RBMS3: variants seen among roughly 807,000 people sequenced by gnomAD.
The protein encoded by RBMS3 is RNA binding motif single stranded interacting protein 3, also known as RNA-binding motif, single-stranded-interacting protein 3.
A neutral mutation model predicts 66.8 loss-of-function variants in RBMS3; 27 were observed. The ratio of observed to expected loss-of-function variants is 0.40; its 90% CI spans 0.30 to 0.56. The LOEUF is 0.56. Among genes scored for constraint, RBMS3 ranks in the 20% least tolerant of loss-of-function variants. RBMS3 has a pLI of 0.40. For missense variants in RBMS3, 513 were observed against 549.5 expected (o/e 0.93, Z 0.66); for synonymous variants, 188 against 183.0 (o/e 1.03, Z -0.22).
intron 7 of RBMS3, among the ~76,000 whole-genome samples, chr3:29,879,873 G>A (rs532782605): frequency 6.6e-6 from 1 of 152,008 alleles, no homozygotes; most frequent in Non-Finnish European, 1.5e-5. Flanking sequence ...CCTCAACTAA[G>A]ACCAAGCATT....
At position 29,281,727 on chromosome 3, in the gene RBMS3, T is replaced by TA; in HGVS notation, c.47dup (p.Tyr16Ter). 6.8e-6 allele frequency: 11 copies of TA among 1,613,526 alleles called. No homozygotes were observed. The highest frequency in any genetic ancestry group is 9.3e-6 in the Non-Finnish European group (11 of 1,179,680). Residue 16 changes from tyrosine to a stop codon, truncating the protein, a stop_gained and frameshift_variant, in exon 1 of 15, where the codon TAC (tyrosine) becomes TAAC (stop). Transcript: ENST00000383767. LOFTEE classifies it high-confidence loss of function. Reference sequence around the variant, plus strand: ...GCCACAAATGTACCCCCAGTACACTTACTACTATCCTCATTATCTCCAAAC... The same window carrying TA: ...GCCACAAATGTACCCCCAGTACACTTAACTACTATCCTCATTATCTCCAAAC... ...DQPQMYPQYTYYYPHYLQTKQ... is the reference protein window; with the variant it reads ...DQPQMYPQYT
chr3:29,814,082 G>T (rs1307055877), intron 6 of RBMS3, among the ~76,000 whole-genome samples: 3 of 151,826 alleles, frequency 2.0e-5, no homozygotes, highest in Admixed American at 6.6e-5. Context: ...AATGCTTCCA[G>T]TTTTTGTCCA....
intron 4 of RBMS3, among the ~76,000 whole-genome samples, chr3:29,602,172 AG>A: frequency 6.6e-6 from 1 of 152,154 alleles, no homozygotes; most frequent in Non-Finnish European, 1.5e-5. Flanking sequence ...GACACAAGTT[AG>A]TTTTTCTTTT....
Position 29,295,045 on chromosome 3 carries a change from G to A in RBMS3, c.75+13289G>A, listed in dbSNP as rs555025938. Among the ~76,000 whole-genome samples, 402 of 151,572 alleles carry A rather than the reference G, an allele frequency of 2.7e-3. 3 individuals are homozygous for A. Among genetic ancestry groups the A allele is most frequent in the African/African-American group, 9.0e-3 (373 of 41,432 alleles). ...GGTATAAAGACATATCTAAACTAAT[G>A]CAAGATAACGTTAGATGAAATTCTG... On this transcript the variant is annotated intron_variant, in intron 1 of 14. Coordinates refer to ENST00000383767, the MANE Select transcript of RBMS3 (RefSeq NM_001003793.3).
chr3:29,847,023 G>A (rs535932609), intron 6 of RBMS3, among the ~76,000 whole-genome samples: 2 of 152,220 alleles, frequency 1.3e-5, no homozygotes, highest in South Asian at 2.1e-4. Context: ...GATGCAAGGC[G>A]CCATATCGCA....
chr3:29,687,359 A>C (rs949368170), intron 4 of RBMS3, among the ~76,000 whole-genome samples: 4 of 152,204 alleles, frequency 2.6e-5, no homozygotes, highest in African/African-American at 9.6e-5. Context: ...AAACAATAGA[A>C]TCCTCAAAGA....
At chr3:29,620,708 A>G (rs1384554247) in intron 4 of RBMS3, among the ~76,000 whole-genome samples, 1 of 149,068 alleles carries the variant, frequency 6.7e-6, no homozygotes, top group Non-Finnish European at 1.5e-5. Flanking sequence ...ACTTACAGAG[A>G]AAAAAAAATG....
chr3:29,737,070 G>A (rs2054413662), intron 4 of RBMS3, among the ~76,000 whole-genome samples: 1 of 151,712 alleles, frequency 6.6e-6, no homozygotes, highest in African/African-American at 2.4e-5. Context: ...TCCGCCTCCC[G>A]GGTTCACGCC....
intron 8 of RBMS3, among the ~76,000 whole-genome samples, chr3:29,884,470 C>CTCTCTT (rs1491200120): frequency 3.4e-4 from 24 of 70,500 alleles, no homozygotes; most frequent in Non-Finnish European, 6.7e-4. Context: ...CTCTCTCTCT[C>CTCTCTT]CCCCCCCGCT....
chr3:29,887,577 A>C (rs1441529012), intron 8 of RBMS3, among the ~76,000 whole-genome samples: 2 of 151,748 alleles, frequency 1.3e-5, no homozygotes, highest in African/African-American at 4.8e-5. Context: ...ACTGTGAGTC[A>C]ATTAAACCTC....
chr3:29,651,498 A>G (rs748747811), intron 4 of RBMS3, among the ~76,000 whole-genome samples: 3 of 152,196 alleles, frequency 2.0e-5, no homozygotes, highest in African/African-American at 7.2e-5. Context: ...TGGTTTGTAC[A>G]TGCATATTCA....
chr3:29,698,405 T>A, intron 4 of RBMS3: 32 of 985,372 alleles, frequency 3.2e-5, no homozygotes, highest in Non-Finnish European at 3.9e-5. Flanking sequence ...GTAAATTCTA[T>A]AGCCAGGATA....
intron 4 of RBMS3, among the ~76,000 whole-genome samples, chr3:29,640,651 A>G (rs1253763558): frequency 1.3e-5 from 2 of 151,992 alleles, no homozygotes; most frequent in East Asian, 1.9e-4. Flanking sequence ...AAAACATTTT[A>G]ATGATTTTAC....
chr3:29,767,540 A>C (rs1198141058), intron 6 of RBMS3: 3 of 151,992 alleles, frequency 2.0e-5, no homozygotes, highest in African/African-American at 7.2e-5. Flanking sequence ...GTATCAGAGG[A>C]ATAATATTTT....
chr3:29,319,578 C>T (rs1277821395), intron 1 of RBMS3, among the ~76,000 whole-genome samples: 1 of 152,006 alleles, frequency 6.6e-6, no homozygotes, highest in African/African-American at 2.4e-5. Flanking sequence ...CACGGTACCT[C>T]ATTTAATCCT....
At chr3:29,787,813 T>C (rs1250615343) in intron 6 of RBMS3, among the ~76,000 whole-genome samples, 2 of 152,072 alleles carry the variant, frequency 1.3e-5, no homozygotes. Flanking sequence ...CCAAACACCA[T>C]CTGTTACCCC....
chr3:29,642,797 G>A (rs568190886), intron 4 of RBMS3: 1 of 152,266 alleles, frequency 6.6e-6, no homozygotes, highest in South Asian at 2.1e-4. Context: ...TCCAGCTAGT[G>A]CTCAGAGAAG....
intron 3 of RBMS3, among the ~76,000 whole-genome samples, chr3:29,558,287 T>G (rs1038989409): frequency 6.6e-6 from 1 of 151,604 alleles, no homozygotes; most frequent in African/African-American, 2.4e-5. Flanking sequence ...ACAGAAGTAG[T>G]AATTAAAGAT....
chr3:29,918,936 A>G (rs1008752892), intron 10 of RBMS3, among the ~76,000 whole-genome samples: 27 of 152,128 alleles, frequency 1.8e-4, no homozygotes, highest in Non-Finnish European at 3.1e-4. Context: ...TTTTCCTTAT[A>G]TTAGATATTA....
Sources: allele counts gnomAD v4.1 joint callset (sites outside exome capture counted in the v4.1 genomes callset), GRCh38; gene constraint gnomAD v4.1.1; transcripts MANE v1.5; gene names NCBI Gene and HGNC (gene_info 2026-07-23, HGNC 2026-07-21).